MEF2C: variants seen among roughly 807,000 people sequenced by gnomAD.
The protein encoded by MEF2C is myocyte-specific enhancer factor 2C.
Under a neutral mutation model 50.5 loss-of-function variants are expected in MEF2C, and 6 were observed. That is an observed-to-expected ratio of 0.12 (90% CI 0.07 to 0.23). MEF2C has a LOEUF of 0.23. Among genes scored for constraint, MEF2C ranks in the 10% least tolerant of loss-of-function variants. The pLI, the probability that MEF2C is intolerant of heterozygous loss-of-function variation, is 1.00. For synonymous variants in MEF2C, 183 were observed against 228.0 expected (o/e 0.80, Z 1.78); for missense variants, 276 against 605.0 (o/e 0.46, Z 5.70).
intron 2 of MEF2C, among the ~76,000 whole-genome samples, chr5:88,809,279 C>T (rs1271087710): frequency 6.6e-6 from 1 of 152,002 alleles, no homozygotes; most frequent in African/African-American, 2.4e-5. Context: ...AAGAAACATT[C>T]ATTAAATATA....
chr5:88,748,050 T>C (rs959401969), intron 6 of MEF2C: 1 of 984,794 alleles, frequency 1.0e-6, no homozygotes, highest in Non-Finnish European at 1.2e-6. Context: ...AATCACTGTG[T>C]AGGTCTAATA....
chr5:88,806,755 T>A (rs1253950428), intron 2 of MEF2C, among the ~76,000 whole-genome samples: 2 of 152,312 alleles, frequency 1.3e-5, no homozygotes, highest in East Asian at 1.9e-4. Flanking sequence ...ATGCAAAATA[T>A]ATTTTGTATA....
intron 1 of MEF2C, among the ~76,000 whole-genome samples, chr5:88,879,434 C>G (rs188581): frequency 0.62 from 92,743 of 150,636 alleles, 30,020 homozygotes; most frequent in African/African-American, 0.82. Flanking sequence ...ATATGTTTCA[C>G]ATATATGGAT....
intron 1 of MEF2C, among the ~76,000 whole-genome samples, chr5:88,849,120 C>A: frequency 7.6e-6 from 1 of 130,930 alleles, no homozygotes; most frequent in African/African-American, 2.9e-5. Context: ...CAGTGCACTC[C>A]AGATTGGGCA....
At chr5:88,767,128 G>A (rs1190683754) in intron 3 of MEF2C, among the ~76,000 whole-genome samples, 3 of 152,224 alleles carry the variant, frequency 2.0e-5, no homozygotes, top group Non-Finnish European at 4.4e-5. Context: ...TTTGAGGACT[G>A]TGCCCAGTGC....
chr5:88,787,275 A>C (rs1458542758), intron 3 of MEF2C, among the ~76,000 whole-genome samples: 2 of 152,190 alleles, frequency 1.3e-5, no homozygotes, highest in Non-Finnish European at 2.9e-5. Context: ...TAAATTAAGA[A>C]TTTTTGTCTT....
At chr5:88,864,462 G>A (rs1289593436) in intron 1 of MEF2C, among the ~76,000 whole-genome samples, 2 of 151,712 alleles carry the variant, frequency 1.3e-5, no homozygotes, top group Non-Finnish European at 2.9e-5. Context: ...GAATCTGGGA[G>A]TGGAACTTGG....
At position 88,728,622 on chromosome 5, in the gene MEF2C, G is replaced by C; in HGVS notation, c.971C>G (p.Ser324Cys). Residue 324 changes from serine (S) to cysteine (C), a missense_variant, in exon 10 of 11, where the codon TCT becomes TGT. Coordinates refer to ENST00000504921, the MANE Select transcript of MEF2C (RefSeq NM_002397.5). ...AGATGACAGGTCTGCACTACTCAGA[G>C]AGTACTCTAGATTAAAGAATAAAAC... Reference protein sequence around the residue: ...AISTTYGTEYSLSSADLSSLS... With the variant: ...AISTTYGTEYCLSSADLSSLS... 1 of 1,449,802 alleles carries C rather than the reference G, an allele frequency of 6.9e-7. No homozygotes were observed. The highest frequency in any genetic ancestry group is 9.1e-7 in the Non-Finnish European group (1 of 1,094,170). 89.8% of individuals were successfully genotyped at this position (1,449,802 alleles called of 1,614,324 possible). A position where few individuals can be genotyped will look rare whatever the true frequency, so the allele number is the denominator to read the frequency against.
intron 1 of MEF2C, among the ~76,000 whole-genome samples, chr5:88,869,903 TTAAC>T (rs1192212047): frequency 1.3e-5 from 2 of 151,122 alleles, no homozygotes; most frequent in Non-Finnish European, 3.0e-5. Flanking sequence ...TTTTGGTAGT[TTAAC>T]TACTTTGGGT....
intron 6 of MEF2C, chr5:88,736,786 C>T (rs1764304074): frequency 1.1e-5 from 11 of 985,292 alleles, no homozygotes; most frequent in Non-Finnish European, 1.3e-5. Context: ...ACAGTTGACA[C>T]ACTCTATCTA....
Position 88,737,079 on chromosome 5 carries a change from C to T in MEF2C, c.638-5178G>A, listed in dbSNP as rs911723201. ...TTCACAAATAGATATATAGAATATG[C>T]TAGAAAAATTAAGAATTATTCAGGA... On this transcript the variant is annotated intron_variant, in intron 6 of 10. Transcript: ENST00000504921. 4.1e-6 allele frequency: 4 copies of T among 984,562 alleles called. No individual in the cohort carries two copies. The African/African-American group carries it at 5.3e-5, about 13-fold the overall frequency. 61.0% of individuals were successfully genotyped at this position (984,562 alleles called of 1,614,324 possible).
At chr5:88,756,710 T>C (rs946588365) in intron 4 of MEF2C, among the ~76,000 whole-genome samples, 1 of 152,214 alleles carries the variant, frequency 6.6e-6, no homozygotes, top group African/African-American at 2.4e-5. Context: ...CATATAAATA[T>C]TTCTAAGAAA....
At chr5:88,871,555 A>AT (rs1010857734) in intron 1 of MEF2C, among the ~76,000 whole-genome samples, 2 of 152,028 alleles carry the variant, frequency 1.3e-5, no homozygotes, top group Non-Finnish European at 2.9e-5. Context: ...CAAAAGCATG[A>AT]TAACAATTTC....
rs1344131623 is a variant in MEF2C at position 88,728,475 on chromosome 5, A to G, written c.1100+18T>C. 2 of 1,414,060 alleles carry G rather than the reference A, an allele frequency of 1.4e-6. No homozygotes were observed. Among genetic ancestry groups the G allele is most frequent in the South Asian group, 3.4e-5 (2 of 58,640 alleles). 87.6% of individuals were successfully genotyped at this position (1,414,060 alleles called of 1,614,324 possible). A position where few individuals can be genotyped will look rare whatever the true frequency, so the allele number is the denominator to read the frequency against. On this transcript the variant is annotated intron_variant, in intron 10 of 10. Coordinates refer to ENST00000504921, the MANE Select transcript of MEF2C (RefSeq NM_002397.5). ...AAATACATTCTAAAATTATATTATA[A>G]AAAATAATATTGCTTACCCCAACTG...
intron 1 of MEF2C, among the ~76,000 whole-genome samples, chr5:88,846,160 C>T (rs562191180): frequency 6.6e-5 from 10 of 151,858 alleles, no homozygotes; most frequent in South Asian, 6.2e-4. Flanking sequence ...CTCCACCTCC[C>T]GGGTTCATGC....
chr5:88,804,853 G>C, intron 2 of MEF2C, 52 bp from the exon 3 acceptor site: 1 of 1,464,736 alleles, frequency 6.8e-7, no homozygotes. Flanking sequence ...ATGCATGTGT[G>C]GTTTTTTTCT....
intron 2 of MEF2C, among the ~76,000 whole-genome samples, chr5:88,806,416 A>G (rs115892502): frequency 0.04 from 6,158 of 152,222 alleles, 139 homozygotes; most frequent in Non-Finnish European, 0.042. Context: ...CAACCTCATT[A>G]TCTTCAGTCT....
Position 88,740,875 on chromosome 5 carries a change from G to A in MEF2C, c.637+8195C>T, listed in dbSNP as rs555167254. On this transcript the variant is annotated intron_variant, in intron 6 of 10. Coordinates refer to ENST00000504921, the MANE Select transcript of MEF2C (RefSeq NM_002397.5). ...GGCTGTCTCTTTGCTAAAAATGAGG[G>A]GGTGTCTTCATTATTGACACAATCG... 46 of 985,060 alleles carry A rather than the reference G, an allele frequency of 4.7e-5. No homozygotes were observed. The African/African-American group carries it at 7.3e-4, about 16-fold the overall frequency. The allele number at this position is 985,060 out of a possible 1,614,324, so 61.0% of individuals were successfully genotyped here.
chr5:88,856,865 A>C (rs1032071285), intron 1 of MEF2C, among the ~76,000 whole-genome samples: 1 of 152,228 alleles, frequency 6.6e-6, no homozygotes, highest in Non-Finnish European at 1.5e-5. Context: ...CTGCTAGGGC[A>C]ATGCAGAAGG....
Sources: gnomAD v4.1 joint callset for allele counts (sites outside exome capture counted in the v4.1 genomes callset) on GRCh38, gnomAD v4.1.1 for gene constraint, MANE v1.5 for transcripts, NCBI Gene and HGNC (gene_info 2026-07-23, HGNC 2026-07-21) for gene names.